The following RYR3 variants were observed in gnomAD, a reference collection of about 807,000 sequenced individuals.
RYR3 encodes the protein ryanodine receptor 3, also known as brain ryanodine receptor-calcium release channel.
RYR3 carries 207 observed loss-of-function variants against 584.3 expected under a neutral mutation model. That is an observed-to-expected ratio of 0.35 (90% CI 0.32 to 0.40). RYR3 has a LOEUF of 0.40. Among genes scored for constraint, RYR3 ranks in the 10% least tolerant of loss-of-function variants. The pLI is 1.00. For missense variants in RYR3, 5,616 were observed against 6,089.2 expected (o/e 0.92, Z 2.59); for synonymous variants, 2,416 against 2,248.5 (o/e 1.07, Z -2.11).
intron 86 of RYR3, among the ~76,000 whole-genome samples, chr15:33,832,616 C>T (rs1265544400): frequency 2.0e-5 from 3 of 147,244 alleles, no homozygotes; most frequent in South Asian, 2.2e-4. Flanking sequence ...GAGATCGCGC[C>T]ATTGCACTAC....
At chr15:33,711,295 G>A (rs546847433) in intron 43 of RYR3, among the ~76,000 whole-genome samples, 109 of 131,790 alleles carry the variant, frequency 8.3e-4, no homozygotes, top group Admixed American at 2.8e-3. Flanking sequence ...CCAGGCTGGA[G>A]TGCAGTGGCA....
chr15:33,429,784 G>A (rs1233574509), intron 1 of RYR3, among the ~76,000 whole-genome samples: 1 of 152,242 alleles, frequency 6.6e-6, no homozygotes, highest in East Asian at 1.9e-4. Flanking sequence ...GCTCATCTAA[G>A]TGACTGGGTA....
chr15:33,816,688 A>G (rs1275345341), intron 74 of RYR3, among the ~76,000 whole-genome samples, 174 bp from the exon 75 acceptor site: 1 of 152,176 alleles, frequency 6.6e-6, no homozygotes, highest in Non-Finnish European at 1.5e-5. Context: ...TCGTCATGGT[A>G]GAGGGTTCTG....
chr15:33,611,267 G>C (rs1362785450), intron 18 of RYR3, among the ~76,000 whole-genome samples: 1 of 152,162 alleles, frequency 6.6e-6, no homozygotes, highest in African/African-American at 2.4e-5. Context: ...TAAAAAGTGT[G>C]TGTGTGGGGC....
chr15:33,646,506 C>G lies in RYR3; in HGVS notation c.3921C>G (p.Asp1307Glu), dbSNP rs1275441344. Residue 1307 changes from aspartate to glutamate, a missense_variant, in exon 29 of 104, where the codon GAC becomes GAG. This residue lies in a region of RYR3 where 753 missense variants were observed against 741.0 expected (regional missense o/e 1.02). Transcript: ENST00000634891. ...CCTTCAGCCACAGCCCCTGTCTGGA[C>G]AGTGAAGCTTTCCAGAAAAGGTGAG... ...HSSFSHSPCLDSEAFQKRKQM... is the reference protein window; with the variant it reads ...HSSFSHSPCLESEAFQKRKQM... The G allele has an allele frequency of 6.2e-7, 1 of 1,611,768 alleles. No homozygotes were observed. The highest frequency in any genetic ancestry group is 2.2e-5 in the East Asian group (1 of 44,852).
chr15:33,614,020 T>C (rs2060328870), intron 19 of RYR3, among the ~76,000 whole-genome samples: 1 of 152,250 alleles, frequency 6.6e-6, no homozygotes, highest in Non-Finnish European at 1.5e-5. Context: ...TTTATAATTA[T>C]GTGGCCAAAT....
Position 33,805,517 on chromosome 15 carries a change from G to C in RYR3, c.10012-2038G>C, listed in dbSNP as rs141998623. Among the ~76,000 whole-genome samples, 7 of 140,252 alleles carry C rather than the reference G, an allele frequency of 5.0e-5. No homozygotes were observed. The East Asian group carries it at 1.0e-3, about 21-fold the overall frequency. 92.0% of individuals were successfully genotyped at this position (140,252 alleles called of 152,430 possible). A position where few individuals can be genotyped will look rare whatever the true frequency, so the allele number is the denominator to read the frequency against. ...CTTTGAGACGGAGTCCTGCTCTGTC[G>C]CCCAGGCTGGAGTACAGTGGTGCGA... On this transcript the variant is annotated intron_variant, in intron 69 of 103. Coordinates refer to ENST00000634891, the MANE Select transcript of RYR3 (RefSeq NM_001036.6).
intron 67 of RYR3, 52 bp from the exon 68 acceptor site, chr15:33,800,718 A>T: frequency 7.7e-7 from 1 of 1,307,160 alleles, no homozygotes; most frequent in Non-Finnish European, 1.1e-6. Flanking sequence ...GAGTGTGAAT[A>T]TTTTAATCTC....
chr15:33,491,787 G>T (rs779017086), intron 2 of RYR3, among the ~76,000 whole-genome samples: 2 of 152,138 alleles, frequency 1.3e-5, no homozygotes, highest in Non-Finnish European at 2.9e-5. Context: ...TTCCTGGCCA[G>T]TCCCCCCAGA....
intron 10 of RYR3, among the ~76,000 whole-genome samples, chr15:33,561,068 T>C (rs1210265145): frequency 6.6e-6 from 1 of 152,146 alleles, no homozygotes; most frequent in African/African-American, 2.4e-5. Context: ...AAAATAAGAG[T>C]TGAAATGAAA....
intron 10 of RYR3, 77 bp downstream of exon 10, chr15:33,550,393 G>T: frequency 7.2e-7 from 1 of 1,391,110 alleles, no homozygotes. Flanking sequence ...ACTATAACTG[G>T]AAAAGAAAGT....
intron 1 of RYR3, among the ~76,000 whole-genome samples, chr15:33,373,063 C>T (rs1389236556): frequency 6.6e-6 from 1 of 152,200 alleles, no homozygotes; most frequent in African/African-American, 2.4e-5. Flanking sequence ...CCCATTTCTC[C>T]TATCAGTGAA....
chr15:33,848,523 T>A, intron 94 of RYR3, 102 bp downstream of exon 94: 6 of 1,378,100 alleles, frequency 4.4e-6, no homozygotes, highest in Non-Finnish European at 5.9e-6. Context: ...ATAAACTGTC[T>A]TTTGATTTCT....
At chr15:33,339,439 TG>T (rs1971537913) in intron 1 of RYR3, among the ~76,000 whole-genome samples, 1 of 152,194 alleles carries the variant, frequency 6.6e-6, no homozygotes, top group Non-Finnish European at 1.5e-5. Context: ...TCCAAGGTTA[TG>T]GTAGCCAGGA....
Position 33,838,496 on chromosome 15 carries a change from G to A in RYR3, c.12516G>A (p.Val4172=), listed in dbSNP as rs75286462. The A allele has an allele frequency of 1.2e-6, 2 of 1,613,972 alleles. No homozygotes were observed. The highest frequency in any genetic ancestry group is 1.7e-5 in the Admixed American group (1 of 60,018). Residue 4172 remains valine, a synonymous_variant, in exon 89 of 104, where the codon GTG becomes GTA. Transcript: ENST00000634891. ...LKNLRKQYRN[V]KKMTAKELVK... ...ACCTCAGGAAGCAGTACAGGAACGT[G>A]AAAAAGATGACTGCGAAGGAGCTGG...
intron 2 of RYR3, among the ~76,000 whole-genome samples, chr15:33,484,511 G>A (rs546936839): frequency 6.6e-6 from 1 of 152,264 alleles, no homozygotes; most frequent in Non-Finnish European, 1.5e-5. Context: ...AGCAAGGATG[G>A]GAGCTGAACA....
chr15:33,687,883 C>T (rs1009111926), intron 38 of RYR3, among the ~76,000 whole-genome samples: 1 of 152,150 alleles, frequency 6.6e-6, no homozygotes, highest in Non-Finnish European at 1.5e-5. Context: ...AAACTGGATC[C>T]CTTCCTTACA....
chr15:33,443,329 A>G (rs1462674985), intron 1 of RYR3, among the ~76,000 whole-genome samples: 1 of 152,046 alleles, frequency 6.6e-6, no homozygotes, highest in African/African-American at 2.4e-5. Context: ...AATAAACTAA[A>G]CCCTGGAAGT....
In RYR3 at chr15:33,772,134, C is replaced by T. The variant is rs1413691013; in HGVS notation, c.9031C>T (p.His3011Tyr). The change falls in exon 63 of 104, where the codon CAT (histidine) becomes TAT (tyrosine). Residue 3011 changes from histidine to tyrosine, a missense_variant. By Grantham distance (83) the His-to-Tyr change is moderately conservative. Around this residue, in one of 9 missense-constraint regions of RYR3, gnomAD observed 954 missense variants for 1,132.2 expected, o/e 0.84. Coordinates refer to ENST00000634891, the MANE Select transcript of RYR3 (RefSeq NM_001036.6). ...LTSIFEHVTQ[H>Y]QFGMDLLLGD... Reference sequence around the variant, plus strand: ...GTCCATCTTTGAGCACGTCACTCAGCATCAGTTTGGAATGGATCTACTCTG... The same window carrying T: ...GTCCATCTTTGAGCACGTCACTCAGTATCAGTTTGGAATGGATCTACTCTG... 1.9e-6 allele frequency: 3 copies of T among 1,611,970 alleles called. No homozygotes were observed. The highest frequency in any genetic ancestry group is 1.6e-4 in the Middle Eastern group (1 of 6,082).
Sources: gnomAD v4.1 joint callset for allele counts (sites outside exome capture counted in the v4.1 genomes callset) on GRCh38, gnomAD v4.1.1 for gene constraint, gnomAD v4.1.1 regional missense constraint, MANE v1.5 for transcripts, NCBI Gene and HGNC (gene_info 2026-07-23, HGNC 2026-07-21) for gene names.